The following GPR161 variants were observed in gnomAD, a reference collection of about 807,000 sequenced individuals.
The protein encoded by GPR161 is G protein-coupled receptor 161.
Under a neutral mutation model 39.2 loss-of-function variants are expected in GPR161, and 25 were observed. That is an observed-to-expected ratio of 0.64 (90% CI 0.47 to 0.89). The LOEUF is 0.89. Ranked by LOEUF, GPR161 falls within the 40% of genes least tolerant of loss-of-function variation. GPR161 has a pLI of 0.00. For synonymous variants in GPR161, 286 were observed against 276.6 expected, an observed-to-expected ratio of 1.03 and a Z score of -0.34; for missense variants, 547 against 677.8, an observed-to-expected ratio of 0.81 and a Z score of 2.14.
chr1:168,103,218 T>C (rs1217579740), intron 2 of GPR161, among the ~76,000 whole-genome samples: 1 of 151,948 alleles, frequency 6.6e-6, no homozygotes, highest in Admixed American at 6.6e-5. Context: ...TATTTGAAAA[T>C]AAGAGAAAAT....
intron 1 of GPR161, among the ~76,000 whole-genome samples, chr1:168,112,303 A>T (rs773710508): frequency 6.6e-6 from 1 of 151,920 alleles, no homozygotes; most frequent in Non-Finnish European, 1.5e-5. Flanking sequence ...ACACAGTGAA[A>T]CCTCGTCTCT....
intron 1 of GPR161, among the ~76,000 whole-genome samples, chr1:168,108,421 G>A (rs1696811173): frequency 8.5e-6 from 1 of 117,220 alleles, no homozygotes; most frequent in Admixed American, 1.2e-4. Context: ...CTACCCTGAA[G>A]ATACAAATTC....
At chr1:168,126,575 CCA>C (rs1245546811) in intron 1 of GPR161, among the ~76,000 whole-genome samples, 1 of 152,114 alleles carries the variant, frequency 6.6e-6, no homozygotes, top group African/African-American at 2.4e-5. Flanking sequence ...CCTCAGCCTC[CCA>C]AGTAGGTGAA....
intron 1 of GPR161, among the ~76,000 whole-genome samples, chr1:168,133,381 C>G (rs1192087709): frequency 2.6e-5 from 4 of 152,102 alleles, no homozygotes; most frequent in Non-Finnish European, 5.9e-5. Context: ...CAATTTTTAC[C>G]CAGAAATATT....
At chr1:168,110,644 C>G (rs754519386) in intron 1 of GPR161, among the ~76,000 whole-genome samples, 1 of 150,960 alleles carries the variant, frequency 6.6e-6, no homozygotes, top group Non-Finnish European at 1.5e-5. Context: ...AGAAAAGAAG[C>G]CGGGCGTGGT....
In GPR161 at chr1:168,096,936, C is replaced by T. The variant is rs779696866; in HGVS notation, c.671G>A (p.Cys224Tyr). ...VARVKARKVH[C>Y]GTVVIVEEDA... Reference sequence around the variant, plus strand: ...CTCCTCCACGATGACGACTGTGCCACAGTGCACCTTGCGTGCCTTGACCCT... The same window carrying T: ...CTCCTCCACGATGACGACTGTGCCATAGTGCACCTTGCGTGCCTTGACCCT... Residue 224 changes from cysteine to tyrosine, a missense_variant, in exon 3 of 6, where the codon TGT becomes TAT. Physicochemically the swap from Cys to Tyr is radical, Grantham distance 194 (BLOSUM62 -2). Transcript: ENST00000682931. 14 of 1,614,204 alleles carry T rather than the reference C, an allele frequency of 8.7e-6. No homozygotes were observed. The highest frequency in any genetic ancestry group is 1.1e-5 in the Non-Finnish European group (13 of 1,180,038).
chr1:168,126,912 C>T (rs915107601), intron 1 of GPR161, among the ~76,000 whole-genome samples: 5 of 152,108 alleles, frequency 3.3e-5, no homozygotes, highest in East Asian at 1.9e-4. Context: ...AACCTGATAT[C>T]GAATAGAAAG....
intron 3 of GPR161, 87 bp downstream of exon 3, chr1:168,096,421 A>T: frequency 7.5e-7 from 1 of 1,341,458 alleles, no homozygotes; most frequent in Non-Finnish European, 1.0e-6. Context: ...TCAGCCTGAG[A>T]ACTCACCCAC....
rs952424909 is a variant in GPR161 at position 168,096,579 on chromosome 1, C to A, written c.1028G>T (p.Arg343Leu). The stretch of plus-strand genomic sequence containing the variant: ...TTGCACAAATGGTTCCCGATAATAC[C>A]GGTCCCCAAAGCACATGCCCAGTAG... ...KELLGMCFGD[R>L]YYREPFVQRQ... Residue 343 changes from arginine (R) to leucine (L), a missense_variant, in exon 3 of 6, where the codon CGG becomes CTG. By Grantham distance (102) the Arg-to-Leu change is moderately radical (BLOSUM62 -2). Coordinates refer to ENST00000682931, the MANE Select transcript of GPR161 (RefSeq NM_001375883.1). 2 of 1,613,994 alleles carry A rather than the reference C, an allele frequency of 1.2e-6. No individual in the cohort carries two copies. Among genetic ancestry groups the A allele is most frequent in the Non-Finnish European group, 1.7e-6 (2 of 1,179,974 alleles).
chr1:168,094,149 T>C (rs1277223402), intron 3 of GPR161, among the ~76,000 whole-genome samples: 3 of 152,248 alleles, frequency 2.0e-5, no homozygotes, highest in African/African-American at 7.2e-5. Context: ...TGCAAGTGAC[T>C]TGCATGGAAA....
At position 168,090,546 on chromosome 1, in the gene GPR161, A is replaced by G. The variant is rs113869933; in HGVS notation, c.1204+18T>C. The G allele has an allele frequency of 1.2e-4, 175 of 1,455,712 alleles. No homozygotes were observed. In the African/African-American group the frequency reaches 1.6e-3, roughly 14 times the overall value. 90.2% of individuals were successfully genotyped at this position (1,455,712 alleles called of 1,614,324 possible). On this transcript the variant is annotated intron_variant, in intron 4 of 5. Transcript: ENST00000682931. ...GGAAAACGCGACAGGTGAGAGGCTT[A>G]TAAAGCACGCAGGTTACCTGAGTCC...
At chr1:168,093,754 G>C (rs1190477998) in intron 3 of GPR161, among the ~76,000 whole-genome samples, 3 of 152,234 alleles carry the variant, frequency 2.0e-5, no homozygotes, top group African/African-American at 7.2e-5. Context: ...CCCTGGCTCA[G>C]ACAGAGGGAC....
chr1:168,116,317 A>G (rs1697627985), intron 1 of GPR161, among the ~76,000 whole-genome samples: 1 of 152,224 alleles, frequency 6.6e-6, no homozygotes, highest in Non-Finnish European at 1.5e-5. Flanking sequence ...AAGCTGTTCA[A>G]ATAAATTATC....
rs1693999782 is a variant in GPR161, at chr1:168,080,619, A to G, written c.*4912T>C. ...GGCTTGGAGGATTAGGGATTCTGTG[A>G]ACCCAAGAGCCACAGCCAGGCAGTC... On this transcript the variant is annotated 3_prime_UTR_variant, in exon 6 of 6. Coordinates refer to ENST00000682931, the MANE Select transcript of GPR161 (RefSeq NM_001375883.1). The G allele has an allele frequency of 6.6e-6, 1 of 152,230 alleles. No homozygotes were observed. The highest frequency in any genetic ancestry group is 1.5e-5 in the Non-Finnish European group (1 of 68,088). The allele number at this position is 152,230 out of a possible 1,614,324, so 9.4% of individuals were successfully genotyped here.
rs1276867379 is a variant in GPR161 at position 168,082,694 on chromosome 1, GC to G, written c.*2836del. ...ACTGAGTTGTTTAAGCTAACGAGTA[GC>G]CAAATGTCCCATGTGCCACTGTCCA... On this transcript the variant is annotated 3_prime_UTR_variant, in exon 6 of 6. Coordinates refer to ENST00000682931, the MANE Select transcript of GPR161 (RefSeq NM_001375883.1). The G allele has an allele frequency of 6.6e-6, 1 of 152,186 alleles. No homozygotes were observed. The highest frequency in any genetic ancestry group is 1.5e-5 in the Non-Finnish European group (1 of 68,042). The allele number at this position is 152,186 out of a possible 1,614,324, so 9.4% of individuals were successfully genotyped here.
intron 1 of GPR161, among the ~76,000 whole-genome samples, chr1:168,106,616 T>C (rs987871821): frequency 6.6e-6 from 1 of 152,204 alleles, no homozygotes; most frequent in Non-Finnish European, 1.5e-5. Flanking sequence ...ACTAATTCTG[T>C]TGGGCTTATA....
In GPR161 at chr1:168,085,750, C is replaced by T; in HGVS notation, c.1371G>A (p.Lys457=). Residue 457 remains lysine, a synonymous_variant, in exon 6 of 6, where the codon AAG becomes AAA. Coordinates refer to ENST00000682931, the MANE Select transcript of GPR161 (RefSeq NM_001375883.1). ...AGCTTGCTGCGTAACTGTCCAAGGA[C>T]TTGTGTACTTCAGCTTTCACATGAA... The part of the protein sequence containing the change: ...SILHVKAEVH[K]SLDSYAASLA... 1 of 1,614,064 alleles carries T rather than the reference C, an allele frequency of 6.2e-7. No homozygotes were observed. The highest frequency in any genetic ancestry group is 8.5e-7 in the Non-Finnish European group (1 of 1,179,932).
intron 1 of GPR161, among the ~76,000 whole-genome samples, chr1:168,122,625 A>T (rs558883339): frequency 6.6e-6 from 1 of 152,076 alleles, no homozygotes; most frequent in East Asian, 1.9e-4. Flanking sequence ...GATTCTTTCT[A>T]CTCCAACGCA....
upstream of GPR161, chr1:168,137,474 T>A: frequency 2.9e-6 from 4 of 1,367,328 alleles, no homozygotes; most frequent in Non-Finnish European, 3.0e-6. Flanking sequence ...CCACAGTGAA[T>A]TCGTCCCGAA....
Sources: allele counts gnomAD v4.1 joint callset (sites outside exome capture counted in the v4.1 genomes callset), GRCh38; gene constraint gnomAD v4.1.1; transcripts MANE v1.5; gene names NCBI Gene and HGNC (gene_info 2026-07-23, HGNC 2026-07-21).